Variants in TWIST2 observed in about 807,000 individuals in gnomAD.
The protein encoded by TWIST2 is twist family bHLH transcription factor 2.
In TWIST2, 1 loss-of-function variant was observed where a neutral mutation model predicts 11.6. The observed-to-expected ratio is 0.09, with a 90% CI of 0.03 to 0.41. TWIST2 has a LOEUF of 0.41. TWIST2 is among the 10% of genes least tolerant of loss of function. The pLI is 0.98. For synonymous variants in TWIST2, 87 were observed against 96.6 expected (o/e 0.90, Z 0.58); for missense variants, 168 against 226.4 (o/e 0.74, Z 1.66).
At chr2:238,871,643 A>C (rs1692705149) in intron 1 of TWIST2, among the ~76,000 whole-genome samples, 7 of 82,904 alleles carry the variant, frequency 8.4e-5, no homozygotes, top group East Asian at 7.4e-4. Flanking sequence ...CACCCCACAC[A>C]CAAACACCCC....
intron 1 of TWIST2, among the ~76,000 whole-genome samples, chr2:238,886,507 G>A (rs558677992): frequency 1.9e-4 from 29 of 152,148 alleles, no homozygotes; most frequent in South Asian, 8.3e-4. Context: ...CCATGTGTAC[G>A]TGGTATTCCC....
chr2:238,891,232 G>C (rs1693126499), intron 1 of TWIST2, among the ~76,000 whole-genome samples: 1 of 152,206 alleles, frequency 6.6e-6, no homozygotes, highest in Non-Finnish European at 1.5e-5. Flanking sequence ...TCTTAGATCA[G>C]CGAGGCCACC....
intron 1 of TWIST2, among the ~76,000 whole-genome samples, chr2:238,889,376 C>CAT (rs997015192): frequency 2.0e-5 from 3 of 152,214 alleles, no homozygotes; most frequent in South Asian, 2.1e-4. Flanking sequence ...TATATACACA[C>CAT]ATATATATAC....
chr2:238,890,077 G>T (rs1218306160), intron 1 of TWIST2, among the ~76,000 whole-genome samples: 1 of 152,234 alleles, frequency 6.6e-6, no homozygotes, highest in Non-Finnish European at 1.5e-5. Context: ...GCTGCGTGGA[G>T]GATACGTTCT....
intron 1 of TWIST2, among the ~76,000 whole-genome samples, chr2:238,888,918 C>G (rs539546767): frequency 6.6e-6 from 1 of 152,208 alleles, no homozygotes; most frequent in African/African-American, 2.4e-5. Context: ...CAATGACTGT[C>G]CAATGACTGT....
intron 1 of TWIST2, among the ~76,000 whole-genome samples, chr2:238,883,932 C>T (rs1315749311): frequency 1.3e-5 from 2 of 152,140 alleles, no homozygotes; most frequent in African/African-American, 2.4e-5. Context: ...AGTCGTGAGC[C>T]GCGCTGTGGT....
intron 1 of TWIST2, among the ~76,000 whole-genome samples, chr2:238,904,234 TGGG>T (rs1219526884): frequency 1.6e-4 from 17 of 109,486 alleles, no homozygotes; most frequent in African/African-American, 5.9e-4. Context: ...GTGTGTGATG[TGGG>T]GTGTGTGTGA....
intron 1 of TWIST2, among the ~76,000 whole-genome samples, chr2:238,868,138 C>G (rs979768262): frequency 7.2e-5 from 11 of 152,208 alleles, no homozygotes; most frequent in African/African-American, 2.7e-4. Context: ...CACACATCAG[C>G]CCCGTGCCCT....
intron 1 of TWIST2, 126 bp from the exon 2 acceptor site, chr2:238,909,716 A>C (rs1693421241): frequency 6.6e-6 from 1 of 152,372 alleles, no homozygotes; most frequent in Admixed American, 6.5e-5. Context: ...TGAGTAGAAC[A>C]GAGCCAGCTC....
chr2:238,848,800 T>TG, intron 1 of TWIST2, 67 bp downstream of exon 1: 1 of 1,222,854 alleles, frequency 8.2e-7, no homozygotes, highest in Non-Finnish European at 1.0e-6. Flanking sequence ...GCAGGGGCAT[T>TG]GGGGCCTGCT....
intron 1 of TWIST2, among the ~76,000 whole-genome samples, chr2:238,857,144 G>C (rs779920801): frequency 4.4e-4 from 67 of 152,250 alleles, no homozygotes; most frequent in Non-Finnish European, 9.1e-4. Context: ...GGGGCACCAT[G>C]GGCATGGTGC....
At chr2:238,869,313 A>T (rs970103076) in intron 1 of TWIST2, among the ~76,000 whole-genome samples, 1 of 152,224 alleles carries the variant, frequency 6.6e-6, no homozygotes, top group African/African-American at 2.4e-5. Context: ...ATCTCTCAAT[A>T]AAACTTCCAG....
In TWIST2 at chr2:238,867,852, G is replaced by A. The variant is rs1378049165; in HGVS notation, c.*35+19119G>A. ...TCGAAGGCGGGAGGGAGAGAAGTGGGAGGCAAAGGCTGGGGATGGCCGGAT... is the reference window on the plus strand; with the variant it reads ...TCGAAGGCGGGAGGGAGAGAAGTGGAAGGCAAAGGCTGGGGATGGCCGGAT... On this transcript the variant is annotated intron_variant, in intron 1 of 1. Coordinates refer to ENST00000612363, the MANE Select transcript of TWIST2 (RefSeq NM_001271893.4). This position sits in a 1 kb window ranked among gnomAD's most constrained non-coding sequence, Gnocchi z 4.8. Among the ~76,000 whole-genome samples the A allele has an allele frequency of 3.3e-5, 5 of 152,186 alleles. No individual in the cohort carries two copies. Among genetic ancestry groups the A allele is most frequent in the East Asian group, 3.9e-4 (2 of 5,180 alleles).
intron 1 of TWIST2, among the ~76,000 whole-genome samples, chr2:238,859,072 T>C (rs911561659): frequency 6.6e-6 from 1 of 151,484 alleles, no homozygotes; most frequent in East Asian, 1.9e-4. Flanking sequence ...ATTAGCCGGG[T>C]GTGGTGGCGG....
At chr2:238,887,012 T>C (rs1363045931) in intron 1 of TWIST2, 1 of 152,098 alleles carries the variant, frequency 6.6e-6, no homozygotes, top group Non-Finnish European at 1.5e-5. Context: ...TTTTTTCAAG[T>C]TCAGAAAATG....
intron 1 of TWIST2, among the ~76,000 whole-genome samples, chr2:238,888,378 A>C (rs1357941779): frequency 1.3e-5 from 2 of 152,166 alleles, no homozygotes; most frequent in Admixed American, 6.5e-5. Context: ...TTCAACCTGA[A>C]TTCTTTAAAA....
At chr2:238,876,809 A>G (rs934998163) in intron 1 of TWIST2, among the ~76,000 whole-genome samples, 1 of 152,166 alleles carries the variant, frequency 6.6e-6, no homozygotes, top group Non-Finnish European at 1.5e-5. Flanking sequence ...CATGTATGCA[A>G]TGAGGCACAT....
intron 1 of TWIST2, among the ~76,000 whole-genome samples, chr2:238,899,187 C>T (rs1397488128): frequency 6.6e-5 from 10 of 152,370 alleles, no homozygotes; most frequent in Admixed American, 3.3e-4. Context: ...GCACGGTCCC[C>T]GCATCCCTAA....
chr2:238,909,157 G>GTGTAGTGTGGGGTGTGTGTAGTGTGTGTA (rs1693410799), intron 1 of TWIST2, among the ~76,000 whole-genome samples: 1 of 26,436 alleles, frequency 3.8e-5, no homozygotes, highest in African/African-American at 1.1e-4. Flanking sequence ...TGTATGTGGT[G>GTGTAGTGTGGGGTGTGTGTAGTGTGTGTA]TGTAGTGTGG....
Sources: allele counts gnomAD v4.1 joint callset (sites outside exome capture counted in the v4.1 genomes callset), GRCh38; gene constraint gnomAD v4.1.1; non-coding constraint Gnocchi (gnomAD v3.1); transcripts MANE v1.5; gene names NCBI Gene and HGNC (gene_info 2026-07-23, HGNC 2026-07-21).